Variants in MLLT10 observed in about 807,000 individuals in gnomAD.
MLLT10 encodes MLLT10 histone lysine methyltransferase DOT1L cofactor.
Under a neutral mutation model 129.1 loss-of-function variants are expected in MLLT10, and 30 were observed. The ratio of observed to expected loss-of-function variants is 0.23; its 90% CI spans 0.17 to 0.32. MLLT10 has a LOEUF of 0.32. MLLT10 is among the 10% of genes least tolerant of loss of function. MLLT10 has a pLI of 1.00. For synonymous variants in MLLT10, 490 were observed against 446.4 expected, an observed-to-expected ratio of 1.10 and a Z score of -1.23; for missense variants, 1,119 against 1,268.3, an observed-to-expected ratio of 0.88 and a Z score of 1.79.
At chr10:21,580,518 A>T (rs1473668242) in intron 3 of MLLT10, among the ~76,000 whole-genome samples, 1 of 150,892 alleles carries the variant, frequency 6.6e-6, no homozygotes, top group African/African-American at 2.4e-5. Context: ...CTTCCTGAGT[A>T]GTGGGGACTA....
intron 14 of MLLT10, among the ~76,000 whole-genome samples, chr10:21,720,767 TA>T (rs2057073994): frequency 6.6e-6 from 1 of 152,224 alleles, no homozygotes; most frequent in Non-Finnish European, 1.5e-5. Flanking sequence ...CTAATAATTT[TA>T]ATGGAAAAAT....
chr10:21,673,208 T>C (rs1453388541), intron 10 of MLLT10, 142 bp from the exon 11 acceptor site: 1 of 496,544 alleles, frequency 2.0e-6, no homozygotes, highest in Non-Finnish European at 3.4e-6. Flanking sequence ...TATACGAATG[T>C]CCTAAGTGTT....
chr10:21,592,000 C>T (rs140841865), intron 4 of MLLT10, among the ~76,000 whole-genome samples: 2 of 152,234 alleles, frequency 1.3e-5, no homozygotes, highest in South Asian at 2.1e-4. Context: ...GGATTACAGG[C>T]GTGAGCCACT....
chr10:21,673,686 T>C lies in MLLT10; in HGVS notation c.1388T>C (p.Val463Ala). The C allele has an allele frequency of 1.2e-6, 2 of 1,613,834 alleles. No individual in the cohort carries two copies. Among genetic ancestry groups the C allele is most frequent in the Non-Finnish European group, 1.7e-6 (2 of 1,179,968 alleles). Reference protein sequence around the residue: ...AQTSGIEEETVKEKKRKGNKQ... With the variant: ...AQTSGIEEETAKEKKRKGNKQ... ...ACTTCTGGCATAGAAGAAGAAACTG[T>C]AAAGGAAAAGAAAAGGAAAGGAAAT... Residue 463 changes from valine to alanine, a missense_variant, in exon 11 of 23, where the codon GTA becomes GCA. This residue lies in a region of MLLT10 where 1,004 missense variants were observed against 1,008.7 expected (regional missense o/e 1.00). Transcript: ENST00000307729.
rs539406500 is a variant in MLLT10, at chr10:21,595,732, T to G, written c.405+292T>G. The G allele has an allele frequency of 1.4e-4, 37 of 273,634 alleles. No individual in the cohort carries two copies. The South Asian group carries it at 5.0e-3, about 37-fold the overall frequency. The allele number at this position is 273,634 out of a possible 1,614,324, so 17.0% of individuals were successfully genotyped here. A position where few individuals can be genotyped will look rare whatever the true frequency, so the allele number is the denominator to read the frequency against. On this transcript the variant is annotated intron_variant, in intron 5 of 22. Transcript: ENST00000307729. The stretch of plus-strand genomic sequence containing the variant: ...GTGCTTTATGAATTACTGACCTCTT[T>G]TGCGCTTTCAAGTATCAAGAGCCTG...
chr10:21,606,433 C>T (rs192029429), intron 5 of MLLT10, among the ~76,000 whole-genome samples: 28 of 152,340 alleles, frequency 1.8e-4, no homozygotes, highest in Non-Finnish European at 3.4e-4. Context: ...GATGATTCCT[C>T]TGATGGATCT....
chr10:21,672,151 C>G (rs1372274807), intron 10 of MLLT10, among the ~76,000 whole-genome samples: 1 of 146,290 alleles, frequency 6.8e-6, no homozygotes. Flanking sequence ...ACACACTAAC[C>G]TGTTTTCCAG....
At chr10:21,577,499 T>C (rs935817583) in intron 3 of MLLT10, among the ~76,000 whole-genome samples, 4 of 149,950 alleles carry the variant, frequency 2.7e-5, no homozygotes, top group African/African-American at 9.8e-5. Context: ...AGTCTCCCTC[T>C]GTTGCCCAGG....
chr10:21,628,431 CTTTTTTTTTTT>C (rs774410121), intron 8 of MLLT10, among the ~76,000 whole-genome samples: 2 of 116,000 alleles, frequency 1.7e-5, no homozygotes, highest in Non-Finnish European at 1.8e-5. Context: ...GATGCTCTCT[CTTTTTTTTTTT>C]TTTTTTTTTT....
At chr10:21,631,313 CAA>C (rs991306894) in intron 8 of MLLT10, among the ~76,000 whole-genome samples, 518 of 47,706 alleles carry the variant, frequency 0.011, 2 homozygotes, top group African/African-American at 0.033. Flanking sequence ...GACTCCGTCT[CAA>C]AAAAAAAAAA....
chr10:21,559,315 C>G (rs2038487975), intron 3 of MLLT10, among the ~76,000 whole-genome samples: 1 of 152,284 alleles, frequency 6.6e-6, no homozygotes, highest in East Asian at 1.9e-4. Flanking sequence ...AACTCCTGAC[C>G]TTGTGATCCG....
At chr10:21,717,009 C>G (rs1439786062) in intron 14 of MLLT10, among the ~76,000 whole-genome samples, 1 of 152,068 alleles carries the variant, frequency 6.6e-6, no homozygotes, top group Non-Finnish European at 1.5e-5. Context: ...GTAATCCCAG[C>G]ACTTTGGGAG....
intron 2 of MLLT10, among the ~76,000 whole-genome samples, chr10:21,537,910 A>G (rs1392573022): frequency 6.6e-6 from 1 of 152,236 alleles, no homozygotes; most frequent in Non-Finnish European, 1.5e-5. Context: ...TATTAACTTT[A>G]AAAACCAATT....
intron 3 of MLLT10, among the ~76,000 whole-genome samples, chr10:21,574,725 A>G (rs1379678678): frequency 1.3e-5 from 2 of 152,146 alleles, no homozygotes; most frequent in African/African-American, 2.4e-5. Flanking sequence ...TGGCATTGCT[A>G]TGGCATTTGT....
intron 8 of MLLT10, among the ~76,000 whole-genome samples, chr10:21,630,460 C>A (rs1473794293): frequency 6.6e-6 from 1 of 152,228 alleles, no homozygotes; most frequent in East Asian, 1.9e-4. Context: ...ATGGTTCTCA[C>A]ATTTATACAC....
chr10:21,742,651 C>T lies in MLLT10; in HGVS notation c.*668C>T, dbSNP rs926029583. The T allele has an allele frequency of 4.5e-6, 1 of 222,978 alleles. No individual in the cohort carries two copies. Among genetic ancestry groups the T allele is most frequent in the African/African-American group, 2.2e-5 (1 of 44,828 alleles). 13.8% of individuals were successfully genotyped at this position (222,978 alleles called of 1,614,324 possible). ...GCTTTCTTTAGTGTTAAGACCTACT[C>T]ATATTTTGAAGAAATCTTGAGTTAA... On this transcript the variant is annotated 3_prime_UTR_variant, in exon 23 of 23. Coordinates refer to ENST00000307729, the MANE Select transcript of MLLT10 (RefSeq NM_001195626.3).
intron 5 of MLLT10, among the ~76,000 whole-genome samples, chr10:21,610,984 C>CTTTTTTTTTTTTTTTTTTTTTTTTTT (rs71393913): frequency 3.2e-4 from 33 of 102,870 alleles, no homozygotes; most frequent in Non-Finnish European, 5.2e-4. Flanking sequence ...TCTTTTTTCT[C>CTTTTTTTTTTTTTTTTTTTTTTTTTT]TTTTTTTTTT....
At chr10:21,708,689 T>G (rs942791458) in intron 13 of MLLT10, 9 of 985,170 alleles carry the variant, frequency 9.1e-6, no homozygotes, top group African/African-American at 1.7e-5. Context: ...ATAAAAACAA[T>G]TTAAGTTTTG....
At chr10:21,694,687 T>C (rs2054186621) in intron 13 of MLLT10, among the ~76,000 whole-genome samples, 1 of 152,358 alleles carries the variant, frequency 6.6e-6, no homozygotes, top group African/African-American at 2.4e-5. Flanking sequence ...TTCCTTACTT[T>C]CTGGCACTGT....
Sources: allele counts gnomAD v4.1 joint callset (sites outside exome capture counted in the v4.1 genomes callset), GRCh38; gene constraint gnomAD v4.1.1; regional missense constraint gnomAD v4.1.1; transcripts MANE v1.5; gene names NCBI Gene and HGNC (gene_info 2026-07-23, HGNC 2026-07-21).